GAS2: variants seen among roughly 807,000 people sequenced by gnomAD.
GAS2 encodes the protein growth arrest specific 2.
GAS2 carries 20 observed loss-of-function variants against 37.5 expected under a neutral mutation model. That is an observed-to-expected ratio of 0.53 (90% CI 0.37 to 0.77). GAS2 has a LOEUF of 0.77. Ranked by LOEUF, GAS2 falls within the 30% of genes least tolerant of loss-of-function variation. The pLI is 0.00. For missense variants in GAS2, 336 were observed against 373.4 expected (o/e 0.90, Z 0.82); for synonymous variants, 144 against 132.2 (o/e 1.09, Z -0.61).
At chr11:22,626,561 C>T (rs953949499) in intron 1 of GAS2, 3 of 152,506 alleles carry the variant, frequency 2.0e-5, no homozygotes, top group Admixed American at 1.3e-4. Context: ...AAATAAAAAC[C>T]GTGACAAGAG....
chr11:22,797,591 G>C (rs1437874838), intron 7 of GAS2, among the ~76,000 whole-genome samples: 1 of 152,086 alleles, frequency 6.6e-6, no homozygotes, highest in Non-Finnish European at 1.5e-5. Context: ...CTAGTGCACT[G>C]TGTGTCCTTG....
intron 1 of GAS2, among the ~76,000 whole-genome samples, chr11:22,660,032 G>A (rs919915048): frequency 1.3e-5 from 2 of 152,170 alleles, no homozygotes; most frequent in African/African-American, 4.8e-5. Context: ...GTTCAAATCA[G>A]TCAGACTCAG....
chr11:22,789,425 G>GATATATATAT (rs35755438), intron 7 of GAS2, among the ~76,000 whole-genome samples: 52 of 30,644 alleles, frequency 1.7e-3, no homozygotes, highest in African/African-American at 4.5e-3. Flanking sequence ...TCTCATATGA[G>GATATATATAT]ATATATATAT....
chr11:22,643,188 T>G (rs1848650249), intron 1 of GAS2, among the ~76,000 whole-genome samples: 1 of 152,066 alleles, frequency 6.6e-6, no homozygotes. Flanking sequence ...TAGACTTGGT[T>G]CAAAGTCTAC....
intron 1 of GAS2, among the ~76,000 whole-genome samples, chr11:22,639,680 G>A (rs953619031): frequency 6.6e-6 from 1 of 151,862 alleles, no homozygotes; most frequent in African/African-American, 2.4e-5. Context: ...AACTATAAAC[G>A]CCATACTAAA....
chr11:22,755,341 T>A (rs1853968042), intron 6 of GAS2, among the ~76,000 whole-genome samples: 2 of 152,074 alleles, frequency 1.3e-5, no homozygotes, highest in Non-Finnish European at 2.9e-5. Context: ...ATCTTAGAGT[T>A]CAAAATAAGA....
chr11:22,715,712 A>C (rs963823600), intron 3 of GAS2, among the ~76,000 whole-genome samples: 3 of 151,838 alleles, frequency 2.0e-5, no homozygotes, highest in African/African-American at 7.3e-5. Flanking sequence ...ATTTTTAAAA[A>C]TGCCAACAAA....
At chr11:22,726,821 C>T (rs994375569) in intron 4 of GAS2, among the ~76,000 whole-genome samples, 1 of 152,070 alleles carries the variant, frequency 6.6e-6, no homozygotes, top group Non-Finnish European at 1.5e-5. Flanking sequence ...AGAGAGCACT[C>T]TTGTCTTTTC....
At chr11:22,658,664 G>T (rs1175117538) in intron 1 of GAS2, among the ~76,000 whole-genome samples, 5 of 152,162 alleles carry the variant, frequency 3.3e-5, no homozygotes, top group African/African-American at 1.2e-4. Context: ...GAACACGAAT[G>T]ATGTAGTTTT....
At chr11:22,795,633 A>T (rs1856391651) in intron 7 of GAS2, among the ~76,000 whole-genome samples, 1 of 152,120 alleles carries the variant, frequency 6.6e-6, no homozygotes, top group Non-Finnish European at 1.5e-5. Context: ...CATTTGAAGG[A>T]TGCAGTGGTA....
chr11:22,696,281 T>A (rs1850510882), intron 3 of GAS2, among the ~76,000 whole-genome samples: 1 of 152,048 alleles, frequency 6.6e-6, no homozygotes, highest in African/African-American at 2.4e-5. Flanking sequence ...CTCATCATTT[T>A]TTATGGCTGC....
intron 4 of GAS2, among the ~76,000 whole-genome samples, chr11:22,730,689 T>G (rs940540462): frequency 4.0e-5 from 6 of 151,768 alleles, no homozygotes; most frequent in Non-Finnish European, 8.9e-5. Context: ...TTCAAAAGTA[T>G]GTAGTTGATC....
At chr11:22,705,107 A>G (rs1316854575) in intron 3 of GAS2, among the ~76,000 whole-genome samples, 1 of 152,120 alleles carries the variant, frequency 6.6e-6, no homozygotes, top group African/African-American at 2.4e-5. Context: ...TTTCTTGGAG[A>G]AAAAGCCAAA....
intron 1 of GAS2, among the ~76,000 whole-genome samples, chr11:22,651,648 TCTTA>T (rs1438719070): frequency 6.6e-6 from 1 of 152,210 alleles, no homozygotes; most frequent in South Asian, 2.1e-4. Context: ...AAACTTCCCT[TCTTA>T]CTTCATTTCA....
intron 7 of GAS2, among the ~76,000 whole-genome samples, chr11:22,769,560 AG>A (rs1228498032): frequency 6.6e-6 from 1 of 152,188 alleles, no homozygotes; most frequent in Non-Finnish European, 1.5e-5. Flanking sequence ...AAGATAAAAG[AG>A]AAAGTAGCCT....
intron 2 of GAS2, among the ~76,000 whole-genome samples, chr11:22,684,805 A>G (rs1849860598): frequency 6.6e-6 from 1 of 152,174 alleles, no homozygotes; most frequent in East Asian, 1.9e-4. Context: ...CACGAGCTCA[A>G]GCAATCCACC....
chr11:22,741,939 G>C (rs1853109732), intron 5 of GAS2, among the ~76,000 whole-genome samples: 1 of 152,024 alleles, frequency 6.6e-6, no homozygotes, highest in Non-Finnish European at 1.5e-5. Context: ...GATGTCTTTT[G>C]TTTGAAAACT....
intron 5 of GAS2, among the ~76,000 whole-genome samples, chr11:22,739,277 T>C (rs1345761591): frequency 2.0e-5 from 3 of 151,940 alleles, no homozygotes; most frequent in Admixed American, 2.0e-4. Flanking sequence ...ATCTATTGCT[T>C]AAGAAAGGGG....
At chr11:22,757,321 T>G (rs960396646) in intron 7 of GAS2, among the ~76,000 whole-genome samples, 1 of 151,916 alleles carries the variant, frequency 6.6e-6, no homozygotes, top group Non-Finnish European at 1.5e-5. Flanking sequence ...ATAAGGCAGG[T>G]TTTTTGATAT....
Sources: gnomAD v4.1 joint callset for allele counts (sites outside exome capture counted in the v4.1 genomes callset) on GRCh38, gnomAD v4.1.1 for gene constraint, MANE v1.5 for transcripts, NCBI Gene and HGNC (gene_info 2026-07-23, HGNC 2026-07-21) for gene names.